The following FAM187B variants were observed in gnomAD, a reference collection of about 807,000 sequenced individuals.
FAM187B encodes family with sequence similarity 187 member B.
FAM187B carries 22 observed loss-of-function variants against 22.6 expected under a neutral mutation model. The ratio of observed to expected loss-of-function variants is 0.97; its 90% CI spans 0.70 to 1.39. FAM187B has a LOEUF of 1.39. Among genes scored for constraint, FAM187B ranks in the 40% most tolerant of loss-of-function variants. FAM187B has a pLI of 0.00. For synonymous variants in FAM187B, 192 were observed against 201.8 expected, an observed-to-expected ratio of 0.95 and a Z score of 0.41; for missense variants, 433 against 462.1, an observed-to-expected ratio of 0.94 and a Z score of 0.58.
chr19:35,225,894 C>T (rs895318007), intron 1 of FAM187B, among the ~76,000 whole-genome samples: 3 of 152,174 alleles, frequency 2.0e-5, no homozygotes, highest in African/African-American at 7.2e-5. Context: ...CAAGGGCACT[C>T]CTTAAATGAT....
chr19:35,227,768 C>T (rs565704), intron 1 of FAM187B, among the ~76,000 whole-genome samples, 191 bp downstream of exon 1: 8,912 of 152,288 alleles, frequency 0.059, 894 homozygotes, highest in African/African-American at 0.2. Context: ...CTGGGCTTCT[C>T]CCATCCCGGC....
chr19:35,225,917 C>G (rs116249057), intron 1 of FAM187B, among the ~76,000 whole-genome samples: 35 of 152,178 alleles, frequency 2.3e-4, no homozygotes, highest in African/African-American at 8.4e-4. Flanking sequence ...GTCCACCTGC[C>G]TTTGCCTGTC....
intron 1 of FAM187B, among the ~76,000 whole-genome samples, chr19:35,226,922 T>C (rs900042925): frequency 1.3e-5 from 2 of 152,168 alleles, no homozygotes; most frequent in Admixed American, 6.5e-5. Flanking sequence ...TGAGAGCATA[T>C]TGGAATAAGG....
At chr19:35,227,317 T>C (rs1051339804) in intron 1 of FAM187B, among the ~76,000 whole-genome samples, 23 of 152,060 alleles carry the variant, frequency 1.5e-4, no homozygotes, top group African/African-American at 5.1e-4. Context: ...CCTCCCGGGT[T>C]CAAGTGATTC....
Position 35,228,507 on chromosome 19 carries a change from G to A in FAM187B, c.174C>T (p.Gly58=). ...TGAGGCTGGTGAGCCTGCCCTTCTT[G>A]CCTTGTGTGAATAAATAGTACCAGT... is the stretch of plus-strand genomic sequence containing the variant. ...GAHWYYLFTQ[G]KKGRLTSLTN... The change falls in exon 1 of 2, where the codon GGC becomes GGT. Residue 58 remains glycine, a synonymous_variant. Coordinates refer to ENST00000324675, the MANE Select transcript of FAM187B (RefSeq NM_152481.2). 6.2e-7 allele frequency: 1 copy of A among 1,614,216 alleles called. No individual in the cohort carries two copies. The highest frequency in any genetic ancestry group is 1.1e-5 in the South Asian group (1 of 91,082).
chr19:35,225,545 C>G (rs897377587), intron 1 of FAM187B, among the ~76,000 whole-genome samples: 2 of 152,232 alleles, frequency 1.3e-5, no homozygotes, highest in Non-Finnish European at 2.9e-5. Flanking sequence ...GGCTTGGTGG[C>G]TCACACCTGT....
chr19:35,225,229 G>T lies in FAM187B; in HGVS notation c.723-17C>A. ...TTGACGGGCCTGCGAGGAGGACAAG[G>T]TCAGGTGCAGGGCCAGGGAGAAAGG... On this transcript the variant is annotated splice_polypyrimidine_tract_variant and intron_variant, in intron 1 of 1. Coordinates refer to ENST00000324675, the MANE Select transcript of FAM187B (RefSeq NM_152481.2). 6.8e-7 allele frequency: 1 copy of T among 1,472,044 alleles called. No homozygotes were observed. The highest frequency in any genetic ancestry group is 2.4e-5 in the East Asian group (1 of 41,770). 91.2% of individuals were successfully genotyped at this position (1,472,044 alleles called of 1,614,324 possible).
Position 35,225,058 on chromosome 19 carries a change from C to G in FAM187B, c.877G>C (p.Val293Leu), listed in dbSNP as rs377174051. The part of the protein sequence containing the change: ...VYKCFVQQEL[V>L]AQFKPAASLE... ...CTGGCGGCGGGTTTGAACTGGGCCA[C>G]GAGCTCCTGCTGCACGAAGCACTTG... The change falls in exon 2 of 2, where the codon GTG becomes CTG. Residue 293 changes from valine (V) to leucine (L), a missense_variant. Transcript: ENST00000324675. 6.2e-7 allele frequency: 1 copy of G among 1,612,678 alleles called. No individual in the cohort carries two copies. Among genetic ancestry groups the G allele is most frequent in the African/African-American group, 1.3e-5 (1 of 74,914 alleles).
At position 35,228,180 on chromosome 19, in the gene FAM187B, G is replaced by A; in HGVS notation, c.501C>T (p.Tyr167=). ...TGGCTTCCTCCAGAGGCTCCTCAAT[G>A]TAGCGGTACCCCAGGCGTTTACACT... ...PGECKRLGYR[Y]IEEPLEEAMP... The change falls in exon 1 of 2, where the codon TAC becomes TAT. Residue 167 remains tyrosine (Y), a synonymous_variant. Transcript: ENST00000324675. 2 of 1,614,102 alleles carry A rather than the reference G, an allele frequency of 1.2e-6. No individual in the cohort carries two copies. The highest frequency in any genetic ancestry group is 2.2e-5 in the East Asian group (1 of 44,882).
At chr19:35,225,431 TCCACCCCTTACTGGCC>T (rs894506492) in intron 1 of FAM187B, among the ~76,000 whole-genome samples, 23 of 151,896 alleles carry the variant, frequency 1.5e-4, no homozygotes, top group African/African-American at 4.8e-4. Flanking sequence ...TCTTCCTGGC[TCCACCCCTTACTGGCC>T]CCACCCCTTA....
rs2065669631 is a variant in FAM187B at position 35,228,590 on chromosome 19, G to A, written c.91C>T (p.Gln31Ter). 5.0e-6 allele frequency: 8 copies of A among 1,613,978 alleles called. No individual in the cohort carries two copies. Among genetic ancestry groups the A allele is most frequent in the Non-Finnish European group, 6.8e-6 (8 of 1,180,038 alleles). Residue 31 changes from glutamine (Q) to a stop codon, truncating the protein, a stop_gained, in exon 1 of 2, where the codon CAA becomes TAA. Coordinates refer to ENST00000324675, the MANE Select transcript of FAM187B (RefSeq NM_152481.2). LOFTEE classifies it high-confidence loss of function. Reference sequence around the variant, plus strand: ...TCATTGCCTGAGAGTAGGGCCTGTTGGCACTGCTTACCACTGGGGCAGCTG... The same window carrying A: ...TCATTGCCTGAGAGTAGGGCCTGTTAGCACTGCTTACCACTGGGGCAGCTG... ...SISCPSGKQC[Q>*]QALLSGNDIL...
At position 35,228,325 on chromosome 19, in the gene FAM187B, G is replaced by A; in HGVS notation, c.356C>T (p.Thr119Ile). 6.2e-7 allele frequency: 1 copy of A among 1,614,108 alleles called. No homozygotes were observed. The highest frequency in any genetic ancestry group is 1.3e-5 in the African/African-American group (1 of 74,948). ...GGGCCTCTGACCCAGGTCCTTGTGT[G>A]TTATATGCAGGGTGGTGACATCCTG... ...DFQDVTTLHITHKDLGQRPLQ... is the reference protein window; with the variant it reads ...DFQDVTTLHIIHKDLGQRPLQ... Residue 119 changes from threonine (T) to isoleucine (I), a missense_variant, in exon 1 of 2, where the codon ACA becomes ATA. Transcript: ENST00000324675.
chr19:35,225,731 T>C (rs2065659873), intron 1 of FAM187B, among the ~76,000 whole-genome samples: 1 of 152,146 alleles, frequency 6.6e-6, no homozygotes, highest in South Asian at 2.1e-4. Context: ...GAGGATTACT[T>C]GAGCCCAGGA....
In FAM187B at chr19:35,225,226, A is replaced by G. The variant is rs1302987471; in HGVS notation, c.723-14T>C. On this transcript the variant is annotated splice_polypyrimidine_tract_variant and intron_variant, in intron 1 of 1. Coordinates refer to ENST00000324675, the MANE Select transcript of FAM187B (RefSeq NM_152481.2). ...CAGTTGACGGGCCTGCGAGGAGGAC[A>G]AGGTCAGGTGCAGGGCCAGGGAGAA... The G allele has an allele frequency of 4.1e-6, 6 of 1,475,668 alleles. No homozygotes were observed. Among genetic ancestry groups the G allele is most frequent in the Non-Finnish European group, 5.4e-6 (6 of 1,112,284 alleles). 91.4% of individuals were successfully genotyped at this position (1,475,668 alleles called of 1,614,324 possible).
chr19:35,224,886 A>C lies in FAM187B; in HGVS notation c.1049T>G (p.Leu350Arg), dbSNP rs1455424389. ...CGGGGAAGGGTGGATGCACTTGAGC[A>C]GCGCCCCCAGCAGGGCCAGGACGGT... is the stretch of plus-strand genomic sequence containing the variant. ...VVTVLALLGA[L>R]LKCIHPSPGR... The change falls in exon 2 of 2, where the codon CTG (leucine) becomes CGG (arginine). Residue 350 changes from leucine (L) to arginine (R), a missense_variant. By Grantham distance (102) the Leu-to-Arg change is moderately radical. Coordinates refer to ENST00000324675, the MANE Select transcript of FAM187B (RefSeq NM_152481.2). 4 of 1,613,918 alleles carry C rather than the reference A, an allele frequency of 2.5e-6. No individual in the cohort carries two copies. The highest frequency in any genetic ancestry group is 3.4e-6 in the Non-Finnish European group (4 of 1,179,938).
In FAM187B at chr19:35,225,182, G is replaced by A. The variant is rs369182374; in HGVS notation, c.753C>T (p.Pro251=). The change falls in exon 2 of 2, where the codon CCC becomes CCT. Residue 251 remains proline, a synonymous_variant. Coordinates refer to ENST00000324675, the MANE Select transcript of FAM187B (RefSeq NM_152481.2). ...RPVNWRANDT[P]LTWESQLSGQ... is the part of the protein sequence containing the mutation. Reference sequence around the variant, plus strand: ...CGGAGAGCTGGCTCTCCCACGTCAGGGGGGTGTCGTTGGCACGCCAGTTGA... The same window carrying A: ...CGGAGAGCTGGCTCTCCCACGTCAGAGGGGTGTCGTTGGCACGCCAGTTGA... The A allele has an allele frequency of 6.6e-6, 10 of 1,519,110 alleles. No homozygotes were observed. Among genetic ancestry groups the A allele is most frequent in the Non-Finnish European group, 8.8e-6 (10 of 1,132,680 alleles). The allele number at this position is 1,519,110 out of a possible 1,614,324, so 94.1% of individuals were successfully genotyped here.
chr19:35,224,874 A>C lies in FAM187B; in HGVS notation c.1061T>G (p.Ile354Ser). The change falls in exon 2 of 2, where the codon ATC becomes AGC. Residue 354 changes from isoleucine to serine, a missense_variant. Ile to Ser is a moderately radical substitution (Grantham distance 142, BLOSUM62 -2). Transcript: ENST00000324675. ...GCTTCTCCTGCCCGGGGAAGGGTGGATGCACTTGAGCAGCGCCCCCAGCAG... is the reference window on the plus strand; with the variant it reads ...GCTTCTCCTGCCCGGGGAAGGGTGGCTGCACTTGAGCAGCGCCCCCAGCAG... ...LALLGALLKC[I>S]HPSPGRRSTQ... The C allele has an allele frequency of 6.2e-7, 1 of 1,613,756 alleles. No homozygotes were observed. The highest frequency in any genetic ancestry group is 8.5e-7 in the Non-Finnish European group (1 of 1,179,854).
chr19:35,228,289 T>C lies in FAM187B; in HGVS notation c.392A>G (p.Glu131Gly). 6.2e-7 allele frequency: 1 copy of C among 1,614,212 alleles called. No homozygotes were observed. The highest frequency in any genetic ancestry group is 1.3e-5 in the African/African-American group (1 of 75,060). ...KDLGQRPLQN[E>G]TLHLGSKQLI... ...CTGTTTGCTGCCCAAATGCAGGGTC[T>C]CGTTCTGCAGGGGCCTCTGACCCAG... is the stretch of plus-strand genomic sequence containing the variant. Residue 131 changes from glutamate to glycine, a missense_variant, in exon 1 of 2, where the codon GAG (glutamate) becomes GGG (glycine). Transcript: ENST00000324675.
chr19:35,228,325 G>C lies in FAM187B; in HGVS notation c.356C>G (p.Thr119Arg). Residue 119 changes from threonine to arginine, a missense_variant, in exon 1 of 2, where the codon ACA (threonine) becomes AGA (arginine). Physicochemically the swap from Thr to Arg is moderately conservative, Grantham distance 71. Coordinates refer to ENST00000324675, the MANE Select transcript of FAM187B (RefSeq NM_152481.2). ...DFQDVTTLHI[T>R]HKDLGQRPLQ... The stretch of plus-strand genomic sequence containing the variant: ...GGGCCTCTGACCCAGGTCCTTGTGT[G>C]TTATATGCAGGGTGGTGACATCCTG... 1.2e-6 allele frequency: 2 copies of C among 1,614,108 alleles called. No individual in the cohort carries two copies. The highest frequency in any genetic ancestry group is 1.7e-6 in the Non-Finnish European group (2 of 1,180,044).
Sources: gnomAD v4.1 joint callset for allele counts (sites outside exome capture counted in the v4.1 genomes callset) on GRCh38, gnomAD v4.1.1 for gene constraint, MANE v1.5 for transcripts, NCBI Gene and HGNC (gene_info 2026-07-23, HGNC 2026-07-21) for gene names.